NCOR2: variants seen among roughly 807,000 people sequenced by gnomAD.
The protein encoded by NCOR2 is nuclear receptor corepressor 2, also known as CTG repeat protein 26.
NCOR2 carries 81 observed loss-of-function variants against 262.9 expected under a neutral mutation model. The observed-to-expected ratio is 0.31, with a 90% CI of 0.26 to 0.37. NCOR2 has a LOEUF of 0.37. NCOR2 is among the 10% of genes least tolerant of loss of function. The pLI is 1.00. For missense variants in NCOR2, 3,385 were observed against 3,621.4 expected, an observed-to-expected ratio of 0.93 and a Z score of 1.68; for synonymous variants, 1,659 against 1,559.3, an observed-to-expected ratio of 1.06 and a Z score of -1.51.
chr12:124,330,335 TAA>T (rs1441442556), intron 44 of NCOR2, among the ~76,000 whole-genome samples: 1 of 152,264 alleles, frequency 6.6e-6, no homozygotes, highest in East Asian at 1.9e-4. Flanking sequence ...ATAGAAGTCT[TAA>T]GTTTCAGCTT....
At chr12:124,326,084 T>G (rs2034615137) in intron 46 of NCOR2, 107 bp downstream of exon 48, 1 of 1,250,218 alleles carries the variant, frequency 8.0e-7, no homozygotes. Context: ...CAGGCCCGAG[T>G]CTGAGCTCTG....
chr12:124,383,407 C>T (rs927600397), intron 17 of NCOR2: 4 of 371,164 alleles, frequency 1.1e-5, no homozygotes, highest in Non-Finnish European at 1.8e-5. Context: ...GCTGCATGTT[C>T]GTCCACGCCA....
At chr12:124,435,370 G>C (rs2044274785) in intron 8 of NCOR2, among the ~76,000 whole-genome samples, 4 of 151,966 alleles carry the variant, frequency 2.6e-5, no homozygotes, top group Admixed American at 6.5e-5. Context: ...CCAAGTGCCT[G>C]TGGGCACCAT....
chr12:124,494,171 C>T (rs1489198790), intron 1 of NCOR2, among the ~76,000 whole-genome samples: 2 of 152,212 alleles, frequency 1.3e-5, no homozygotes, highest in African/African-American at 4.8e-5. Flanking sequence ...TCCCACACAG[C>T]TTCCTTTCTG....
chr12:124,495,219 C>G lies in NCOR2; in HGVS notation c.33G>C (p.Thr11=), dbSNP rs369322766. The G allele has an allele frequency of 4.6e-5, 75 of 1,613,604 alleles. No homozygotes were observed. The highest frequency in any genetic ancestry group is 6.1e-5 in the Non-Finnish European group (72 of 1,179,892). ...GGTAGCGGGGCTCAGTGGCCCTCCA[C>G]GTCTGTGCCACAGGCTGTGTGGATC... Residue 11 remains threonine, a synonymous_variant, in exon 1 of 47, where the codon ACG becomes ACC. Transcript: ENST00000405201. This position sits in a 1 kb window ranked among gnomAD's most constrained non-coding sequence, Gnocchi z 4.4.
chr12:124,364,137 C>G (rs1165781521), intron 20 of NCOR2, among the ~76,000 whole-genome samples: 1 of 152,188 alleles, frequency 6.6e-6, no homozygotes, highest in Non-Finnish European at 1.5e-5. Flanking sequence ...AGGCTGGGAT[C>G]AAACATCCCC....
chr12:124,346,759 C>T (rs776071968), exon 31 of NCOR2: 21 of 1,557,004 alleles, frequency 1.3e-5, no homozygotes, highest in South Asian at 5.9e-5. Flanking sequence ...CCCGTGAGGG[C>T]GGTGGGGGCG....
rs1555222718 is a variant in NCOR2, at chr12:124,433,904, A to ACACACACACACACACACACACACACG, written c.883-3118_883-3117insCGTGTGTGTGTGTGTGTGTGTGTGTG. On this transcript the variant is annotated intron_variant, in intron 8 of 46. Coordinates refer to ENST00000405201, the Ensembl canonical transcript of NCOR2. ...CACACACACACACACACACACGCACACACACACACAGGGAAAGACTGGAGC... is the reference window on the plus strand; with the variant it reads ...CACACACACACACACACACACGCACACACACACACACACACACACACACACGCACACACACAGGGAAAGACTGGAGC... Among the ~76,000 whole-genome samples, 72 of 93,912 alleles carry ACACACACACACACACACACACACACG rather than the reference A, an allele frequency of 7.7e-4. 5 individuals are homozygous for ACACACACACACACACACACACACACG. The highest frequency in any genetic ancestry group is 6.3e-3 in the Middle Eastern group (1 of 160). The allele number at this position is 93,912 out of a possible 152,430, so 61.6% of individuals were successfully genotyped here.
At chr12:124,546,846 A>G (rs928299078) in intron 1 of NCOR2, among the ~76,000 whole-genome samples, 1 of 152,286 alleles carries the variant, frequency 6.6e-6, no homozygotes, top group South Asian at 2.1e-4. Flanking sequence ...CCTGCCTGTG[A>G]GTGTCCATCC....
intron 28 of NCOR2, chr12:124,349,030 CGT>C (rs1258871735): frequency 2.0e-5 from 3 of 152,392 alleles, no homozygotes; most frequent in Non-Finnish European, 4.4e-5. Context: ...TATGTATACA[CGT>C]GTCACACCCA....
chr12:124,378,745 G>A lies in NCOR2; in HGVS notation c.2020-361C>T, dbSNP rs928088838. On this transcript the variant is annotated intron_variant, in intron 17 of 46. Coordinates refer to ENST00000405201, the Ensembl canonical transcript of NCOR2. This position sits in a 1 kb window ranked among gnomAD's most constrained non-coding sequence, Gnocchi z 4.2. ...TGTCAGCTTCATCGGCACACGTGGA[G>A]TGAATGAACACAGGAAGCTTTTCCT... Among the ~76,000 whole-genome samples, 2 of 152,220 alleles carry A rather than the reference G, an allele frequency of 1.3e-5. No individual in the cohort carries two copies. Among genetic ancestry groups the A allele is most frequent in the Non-Finnish European group, 2.9e-5 (2 of 68,040 alleles).
rs1161951880 is a variant in NCOR2, at chr12:124,335,477, G to C, written c.6265+6C>G. 4 of 1,603,300 alleles carry C rather than the reference G, an allele frequency of 2.5e-6. No individual in the cohort carries two copies. The African/African-American group carries it at 5.3e-5, about 21-fold the overall frequency. On this transcript the variant is annotated splice_donor_region_variant and intron_variant, in intron 39 of 46. Transcript: ENST00000405201. ...TTCGGGGGCCTGGGTACTGGGTGGG[G>C]CGTACCTGGCTGCTTGGGCCGCAGC...
chr12:124,340,677 T>C (rs1324459221), exon 35 of NCOR2: 18 of 1,520,054 alleles, frequency 1.2e-5, no homozygotes, highest in Non-Finnish European at 1.6e-5. Flanking sequence ...AGGCGGTCCA[T>C]GGCGGTGGCT....
In NCOR2 at chr12:124,325,450, G is replaced by A. The variant is rs750433420; in HGVS notation, c.7497C>T (p.Pro2499=). Residue 2499 remains proline, a synonymous_variant, in exon 47 of 47, where the codon CCC becomes CCT. Transcript: ENST00000405201. ...CGTACTGCGAGCAGAGCAGTGGCTT[G>A]GGCTCCTCGTCCCAGGCGTGGTGGG... 6 of 1,368,092 alleles carry A rather than the reference G, an allele frequency of 4.4e-6. No homozygotes were observed. The African/African-American group carries it at 9.3e-5, about 21-fold the overall frequency. The allele number at this position is 1,368,092 out of a possible 1,614,324, so 84.7% of individuals were successfully genotyped here.
intron 1 of NCOR2, among the ~76,000 whole-genome samples, chr12:124,534,204 C>T (rs987334334): frequency 9.2e-5 from 14 of 152,186 alleles, no homozygotes; most frequent in Admixed American, 6.5e-4. Flanking sequence ...CACCTGTCAT[C>T]CCAGCACTTT....
intron 28 of NCOR2, 99 bp from the exon 31 acceptor site, chr12:124,348,413 T>G: frequency 1.4e-6 from 2 of 1,429,192 alleles, no homozygotes; most frequent in South Asian, 1.4e-5. Context: ...GAGCCAGCAG[T>G]GCTTCCATGC....
chr12:124,507,531 A>G (rs1347094270), intron 1 of NCOR2, among the ~76,000 whole-genome samples: 4 of 152,216 alleles, frequency 2.6e-5, no homozygotes, highest in Non-Finnish European at 5.9e-5. Context: ...GCATGCGTCC[A>G]GGCCTTGTCT....
Position 124,523,282 on chromosome 12 carries a change from G to C in NCOR2, c.-118+12283C>G, listed in dbSNP as rs552998047. Among the ~76,000 whole-genome samples the C allele has an allele frequency of 6.6e-6, 1 of 152,350 alleles. No homozygotes were observed. The highest frequency in any genetic ancestry group is 2.4e-5 in the African/African-American group (1 of 41,586). Reference sequence around the variant, plus strand: ...AACTGCAGCACCATCCGGCACGCCAGAATACCATGGGCACCCAGCAACTGG... The same window carrying C: ...AACTGCAGCACCATCCGGCACGCCACAATACCATGGGCACCCAGCAACTGG... On this transcript the variant is annotated intron_variant, in intron 1 of 46. Coordinates refer to the NCOR2 transcript ENST00000404621. This position sits in a 1 kb window ranked among gnomAD's most constrained non-coding sequence, Gnocchi z 4.0.
At chr12:124,543,984 T>A (rs995272890) in intron 1 of NCOR2, among the ~76,000 whole-genome samples, 1 of 152,208 alleles carries the variant, frequency 6.6e-6, no homozygotes, top group African/African-American at 2.4e-5. Flanking sequence ...CCTCCCCCTG[T>A]GCAGATGGAG....
Sources: allele counts gnomAD v4.1 joint callset (sites outside exome capture counted in the v4.1 genomes callset), GRCh38; gene constraint gnomAD v4.1.1; non-coding constraint Gnocchi (gnomAD v3.1); transcripts MANE v1.5; gene names NCBI Gene and HGNC (gene_info 2026-07-23, HGNC 2026-07-21).